The following FRMPD1 variants were observed in gnomAD, a reference collection of about 807,000 sequenced individuals.
FRMPD1 encodes FERM and PDZ domain containing 1, also known as FERM and PDZ domain-containing protein 1.
Under a neutral mutation model 117.8 loss-of-function variants are expected in FRMPD1, and 76 were observed. The ratio of observed to expected loss-of-function variants is 0.65; its 90% CI spans 0.54 to 0.78. The LOEUF (loss-of-function observed/expected upper bound fraction) is 0.78, where lower values mean the gene tolerates loss of function less well. Ranked by LOEUF, FRMPD1 falls within the 30% of genes least tolerant of loss-of-function variation. FRMPD1 has a pLI of 0.00. For missense variants in FRMPD1, 1,786 were observed against 1,964.5 expected, an observed-to-expected ratio of 0.91 and a Z score of 1.72; for synonymous variants, 783 against 770.4, an observed-to-expected ratio of 1.02 and a Z score of -0.27.
chr9:37,664,015 A>C (rs1327499584), intron 1 of FRMPD1, among the ~76,000 whole-genome samples: 1 of 151,936 alleles, frequency 6.6e-6, no homozygotes, highest in Non-Finnish European at 1.5e-5. Context: ...TGAAGGGCTG[A>C]CTCTACTTCT....
At chr9:37,674,503 C>A (rs1259204925) in intron 1 of FRMPD1, among the ~76,000 whole-genome samples, 1 of 152,190 alleles carries the variant, frequency 6.6e-6, no homozygotes, top group African/African-American at 2.4e-5. Flanking sequence ...GTTCTAAAGT[C>A]GCTTCCACAT....
At chr9:37,698,016 G>A (rs1255236709) in intron 2 of FRMPD1, among the ~76,000 whole-genome samples, 1 of 152,206 alleles carries the variant, frequency 6.6e-6, no homozygotes, top group Non-Finnish European at 1.5e-5. Context: ...TTGGAAGGCT[G>A]AGGCAGGAGA....
In FRMPD1 at chr9:37,746,031, G is replaced by A; in HGVS notation, c.3999G>A (p.Gln1333=). 6.2e-7 allele frequency: 1 copy of A among 1,614,198 alleles called. No individual in the cohort carries two copies. Among genetic ancestry groups the A allele is most frequent in the African/African-American group, 1.3e-5 (1 of 75,064 alleles). ...TGGCTCCCAGGATAGGGATGGACCAGTGCAGCTGTCAGTTCTCCTATGCCA... is the reference window on the plus strand; with the variant it reads ...TGGCTCCCAGGATAGGGATGGACCAATGCAGCTGTCAGTTCTCCTATGCCA... ...EMVAPRIGMD[Q]CSCQFSYATC... Residue 1333 remains glutamine (Q), a synonymous_variant, in exon 16 of 16, where the codon CAG becomes CAA. Coordinates refer to ENST00000377765, the MANE Select transcript of FRMPD1 (RefSeq NM_014907.3).
chr9:37,744,664 G>T lies in FRMPD1; in HGVS notation c.2632G>T (p.Gly878Cys), dbSNP rs773313891. 4 of 1,614,036 alleles carry T rather than the reference G, an allele frequency of 2.5e-6. No homozygotes were observed. The highest frequency in any genetic ancestry group is 3.4e-6 in the Non-Finnish European group (4 of 1,179,986). ...TGACAGGGAGCCCTACCTGGCCCTT[G>T]GTGCACCCTCCCCAACTGTGTCCTC... ...YYDREPYLAL[G>C]APSPTVSSLQ... Residue 878 changes from glycine (G) to cysteine (C), a missense_variant, in exon 16 of 16, where the codon GGT becomes TGT. Coordinates refer to ENST00000377765, the MANE Select transcript of FRMPD1 (RefSeq NM_014907.3).
chr9:37,629,940 G>C, the FRMPD1 span, among the ~76,000 whole-genome samples: 1 of 152,128 alleles, frequency 6.6e-6, no homozygotes, highest in African/African-American at 2.4e-5. Flanking sequence ...CAATATCAGG[G>C]TGTCATCATG....
chr9:37,742,966 C>T (rs1366235170), intron 15 of FRMPD1, among the ~76,000 whole-genome samples: 4 of 152,310 alleles, frequency 2.6e-5, no homozygotes, highest in Admixed American at 2.0e-4. Flanking sequence ...GATTCTGACT[C>T]CTCAGAGATT....
In FRMPD1 at chr9:37,708,450, A is replaced by G. The variant is rs1451477308; in HGVS notation, c.311A>G (p.Asn104Ser). The G allele has an allele frequency of 1.2e-6, 2 of 1,613,488 alleles. No homozygotes were observed. The highest frequency in any genetic ancestry group is 2.2e-5 in the East Asian group (1 of 44,896). Residue 104 changes from asparagine to serine, a missense_variant, in exon 4 of 16, where the codon AAC (asparagine) becomes AGC (serine). By Grantham distance (46) the Asn-to-Ser change is conservative. Transcript: ENST00000377765. ...LFPGDQILQM[N>S]NEPAEDLSWE... The stretch of plus-strand genomic sequence containing the variant: ...CCTGGTGATCAGATCCTCCAAATGA[A>G]CAATGAGCCTGCTGAAGACCTTTCC...
the FRMPD1 span, among the ~76,000 whole-genome samples, chr9:37,635,410 A>G: frequency 1.3e-5 from 2 of 151,882 alleles, no homozygotes; most frequent in African/African-American, 2.4e-5. Flanking sequence ...CCTTTTTTTG[A>G]ACTGGTTTGA....
intron 1 of FRMPD1, among the ~76,000 whole-genome samples, chr9:37,685,645 C>A (rs1821911043): frequency 6.7e-6 from 1 of 149,604 alleles, no homozygotes; most frequent in Non-Finnish European, 1.5e-5. Context: ...AAGCGAGACT[C>A]CGTCTCAAAA....
intron 13 of FRMPD1, 74 bp from the exon 14 acceptor site, chr9:37,737,022 A>G (rs1824166015): frequency 8.5e-7 from 1 of 1,176,818 alleles, no homozygotes; most frequent in Non-Finnish European, 1.2e-6. Flanking sequence ...CGTTGGTCCC[A>G]CATGGCTTTG....
At chr9:37,627,891 T>C in the FRMPD1 span, among the ~76,000 whole-genome samples, 2 of 152,146 alleles carry the variant, frequency 1.3e-5, no homozygotes, top group African/African-American at 4.8e-5. Flanking sequence ...CCTTAATAAT[T>C]ATCAGCAGGG....
chr9:37,745,260 G>C lies in FRMPD1; in HGVS notation c.3228G>C (p.Leu1076Phe), dbSNP rs565053214. ...ETAPKYTEPLLSPRDEPRSDE... is the reference protein window; with the variant it reads ...ETAPKYTEPLFSPRDEPRSDE... ...CCCCCAAATACACAGAGCCTTTGTT[G>C]TCTCCTAGAGATGAGCCTAGAAGTG... The change falls in exon 16 of 16, where the codon TTG becomes TTC. Residue 1076 changes from leucine to phenylalanine, a missense_variant. Coordinates refer to ENST00000377765, the MANE Select transcript of FRMPD1 (RefSeq NM_014907.3). 1 of 1,612,578 alleles carries C rather than the reference G, an allele frequency of 6.2e-7. No homozygotes were observed. The highest frequency in any genetic ancestry group is 2.2e-5 in the East Asian group (1 of 44,882).
chr9:37,618,452 T>C, the FRMPD1 span, among the ~76,000 whole-genome samples: 6 of 152,018 alleles, frequency 3.9e-5, no homozygotes, highest in Non-Finnish European at 8.8e-5. Context: ...TCCCGATTGG[T>C]CTCCTTGTCT....
At chr9:37,684,403 G>A (rs1381964910) in intron 1 of FRMPD1, among the ~76,000 whole-genome samples, 2 of 152,210 alleles carry the variant, frequency 1.3e-5, no homozygotes, top group Non-Finnish European at 1.5e-5. Flanking sequence ...ATAGTAAGTG[G>A]TAATGTTGTT....
intron 1 of FRMPD1, among the ~76,000 whole-genome samples, chr9:37,659,060 C>G (rs1820921433): frequency 6.6e-6 from 1 of 152,046 alleles, no homozygotes; most frequent in Admixed American, 6.6e-5. Context: ...GAGATGAGGC[C>G]TTGCTATGTT....
At chr9:37,691,303 C>G (rs1047979073) in intron 1 of FRMPD1, among the ~76,000 whole-genome samples, 10 of 152,092 alleles carry the variant, frequency 6.6e-5, no homozygotes, top group African/African-American at 1.9e-4. Flanking sequence ...TATTTTCAAC[C>G]TTATGCTCAT....
intron 1 of FRMPD1, among the ~76,000 whole-genome samples, chr9:37,665,857 A>C (rs1273274494): frequency 1.3e-5 from 2 of 152,196 alleles, no homozygotes; most frequent in Non-Finnish European, 2.9e-5. Flanking sequence ...AGGGCTCAGC[A>C]GTATGCACCT....
chr9:37,744,783 C>T lies in FRMPD1; in HGVS notation c.2751C>T (p.Ala917=). The change falls in exon 16 of 16, where the codon GCC becomes GCT. Residue 917 remains alanine, a synonymous_variant. Coordinates refer to ENST00000377765, the MANE Select transcript of FRMPD1 (RefSeq NM_014907.3). ...PLRETKSTNP[A]SRVMEMEPET... ...GGGAGACCAAGAGCACAAACCCAGCCTCCAGGGTCATGGAGATGGAGCCCG... is the reference window on the plus strand; with the variant it reads ...GGGAGACCAAGAGCACAAACCCAGCTTCCAGGGTCATGGAGATGGAGCCCG... 1.2e-6 allele frequency: 2 copies of T among 1,614,212 alleles called. No individual in the cohort carries two copies. Among genetic ancestry groups the T allele is most frequent in the Non-Finnish European group, 1.7e-6 (2 of 1,180,036 alleles).
At chr9:37,682,926 G>A (rs888364904) in intron 1 of FRMPD1, among the ~76,000 whole-genome samples, 2 of 152,070 alleles carry the variant, frequency 1.3e-5, no homozygotes, top group African/African-American at 2.4e-5. Flanking sequence ...TAAATTATAC[G>A]ATTAGTGGTT....
Sources: allele counts gnomAD v4.1 joint callset (sites outside exome capture counted in the v4.1 genomes callset), GRCh38; gene constraint gnomAD v4.1.1; transcripts MANE v1.5; gene names NCBI Gene and HGNC (gene_info 2026-07-23, HGNC 2026-07-21).